MCCC1: variants seen among roughly 807,000 people sequenced by gnomAD.
The protein encoded by MCCC1 is methylcrotonyl-CoA carboxylase subunit 1.
A neutral mutation model predicts 83.8 loss-of-function variants in MCCC1; 64 were observed. That is an observed-to-expected ratio of 0.76 (90% CI 0.62 to 0.94). The LOEUF (loss-of-function observed/expected upper bound fraction) is 0.94, where lower values mean the gene tolerates loss of function less well. MCCC1 is among the 40% of genes least tolerant of loss of function. The pLI is 0.00. For synonymous variants in MCCC1, 322 were observed against 315.4 expected, an observed-to-expected ratio of 1.02 and a Z score of -0.22; for missense variants, 807 against 904.7, an observed-to-expected ratio of 0.89 and a Z score of 1.39.
intron 3 of MCCC1, among the ~76,000 whole-genome samples, chr3:183,089,740 C>T (rs1048913281): frequency 6.6e-6 from 1 of 151,986 alleles, no homozygotes; most frequent in South Asian, 2.1e-4. Context: ...GGGGAAGGAT[C>T]TAGAGTAGGA....
At chr3:183,089,538 T>TG (rs1577357572) in intron 3 of MCCC1, among the ~76,000 whole-genome samples, 1 of 151,952 alleles carries the variant, frequency 6.6e-6, no homozygotes, top group Admixed American at 6.6e-5. Context: ...TGCTTGAGCC[T>TG]GGGGGGTTGA....
chr3:183,015,929 T>TG (rs922577122), intron 18 of MCCC1, among the ~76,000 whole-genome samples: 10 of 151,652 alleles, frequency 6.6e-5, no homozygotes, highest in Admixed American at 3.3e-4. Flanking sequence ...TTTTTTGTTT[T>TG]TTGTTGTTGT....
chr3:183,070,343 C>A (rs1716567766), intron 7 of MCCC1, among the ~76,000 whole-genome samples: 1 of 152,082 alleles, frequency 6.6e-6, no homozygotes. Flanking sequence ...AATGGTATAT[C>A]AAGATCATAG....
chr3:183,034,044 C>T lies in MCCC1; in HGVS notation c.1628G>A (p.Arg543Lys), dbSNP rs765413772. 7 of 1,612,210 alleles carry T rather than the reference C, an allele frequency of 4.3e-6. No homozygotes were observed. The South Asian group carries it at 7.7e-5, about 18-fold the overall frequency. The change falls in exon 14 of 19, where the codon AGA becomes AAA. Residue 543 changes from arginine (R) to lysine (K), a missense_variant. By Grantham distance (26) the Arg-to-Lys change is conservative. Transcript: ENST00000265594. ...QFSPFSSSSG[R>K]RLNISYTRNM... ...TCTGGTATACGAGATATTCAGTCTTCTTCCACTGCTAGACGAAAATGGAGA... is the reference window on the plus strand; with the variant it reads ...TCTGGTATACGAGATATTCAGTCTTTTTCCACTGCTAGACGAAAATGGAGA...
At chr3:183,027,792 T>G (rs1183395628) in intron 14 of MCCC1, among the ~76,000 whole-genome samples, 2 of 152,186 alleles carry the variant, frequency 1.3e-5, no homozygotes, top group Non-Finnish European at 2.9e-5. Flanking sequence ...CTAACTCTCT[T>G]CAATTCAATT....
intron 1 of MCCC1, chr3:183,099,034 G>C (rs940620631): frequency 5.8e-6 from 3 of 519,106 alleles, no homozygotes; most frequent in Non-Finnish European, 1.0e-5. Flanking sequence ...GCGAAAGCCC[G>C]ATGTAAACGG....
intron 1 of MCCC1, among the ~76,000 whole-genome samples, chr3:183,115,011 T>G (rs79284924): frequency 6.6e-6 from 1 of 152,218 alleles, no homozygotes; most frequent in African/African-American, 2.4e-5. Context: ...CGCCTGGCTT[T>G]GTTTCAGGGG....
intron 16 of MCCC1, among the ~76,000 whole-genome samples, chr3:183,021,326 T>A (rs1712146107): frequency 6.6e-6 from 1 of 152,138 alleles, no homozygotes; most frequent in Non-Finnish European, 1.5e-5. Flanking sequence ...CTGAGCCTAT[T>A]AATCCTCCTG....
At chr3:183,100,943 C>T (rs1005113674), upstream of MCCC1, among the ~76,000 whole-genome samples, 1 of 152,272 alleles carries the variant, frequency 6.6e-6, no homozygotes, top group Non-Finnish European at 1.5e-5. Flanking sequence ...ACTTGCGGGC[C>T]AGCTGGAGTT....
At chr3:183,049,161 T>G (rs145322725) in intron 9 of MCCC1, among the ~76,000 whole-genome samples, 211 of 152,238 alleles carry the variant, frequency 1.4e-3, no homozygotes, top group African/African-American at 4.7e-3. Flanking sequence ...ATCAAGAATC[T>G]AAGCTTATAT....
At chr3:183,095,819 A>C (rs559216691) in intron 1 of MCCC1, among the ~76,000 whole-genome samples, 6 of 152,186 alleles carry the variant, frequency 3.9e-5, no homozygotes, top group Non-Finnish European at 7.3e-5. Context: ...GGTACCTCTC[A>C]GATTTAAAAG....
At chr3:183,041,226 T>C (rs1265472770) in intron 11 of MCCC1, among the ~76,000 whole-genome samples, 1 of 152,242 alleles carries the variant, frequency 6.6e-6, no homozygotes, top group Non-Finnish European at 1.5e-5. Context: ...TTATGTCCTT[T>C]GAAGGCAGTC....
chr3:183,074,693 T>C (rs1716936284), intron 4 of MCCC1, among the ~76,000 whole-genome samples: 1 of 151,864 alleles, frequency 6.6e-6, no homozygotes, highest in Non-Finnish European at 1.5e-5. Context: ...CAGTTTAGAG[T>C]TTTATATCTT....
At chr3:183,027,554 G>A (rs966926120) in intron 14 of MCCC1, among the ~76,000 whole-genome samples, 1 of 152,110 alleles carries the variant, frequency 6.6e-6, no homozygotes, top group Non-Finnish European at 1.5e-5. Flanking sequence ...AGTGACTCAC[G>A]CCTGTAATCC....
At chr3:183,056,287 A>G (rs1455540570) in intron 8 of MCCC1, among the ~76,000 whole-genome samples, 1 of 152,198 alleles carries the variant, frequency 6.6e-6, no homozygotes, top group Non-Finnish European at 1.5e-5. Flanking sequence ...TGAATATGGT[A>G]TAAGAAAAAT....
chr3:183,113,007 C>T (rs892183782), intron 1 of MCCC1, among the ~76,000 whole-genome samples: 35 of 151,972 alleles, frequency 2.3e-4, no homozygotes, highest in Non-Finnish European at 2.5e-4. Context: ...CGGCGGATCA[C>T]GAAGTCAAGA....
chr3:183,067,010 T>C (rs979858182), intron 7 of MCCC1, among the ~76,000 whole-genome samples: 1 of 152,254 alleles, frequency 6.6e-6, no homozygotes, highest in Non-Finnish European at 1.5e-5. Flanking sequence ...ATATAGTTAT[T>C]TGCATAAATG....
Position 183,071,304 on chromosome 3 carries a change from T to C in MCCC1, c.545A>G (p.His182Arg), listed in dbSNP as rs781167517. Residue 182 changes from histidine to arginine, a missense_variant, in exon 6 of 19, where the codon CAT (histidine) becomes CGT (arginine). Transcript: ENST00000265594. ...AAGVPVVEGY[H>R]GEDQSDQCLK... is the part of the protein sequence containing the mutation. ...GCACTGGTCTGATTGGTCCTCACCATGATAACCCTCCACAACAGGTACTCC... is the reference window on the plus strand; with the variant it reads ...GCACTGGTCTGATTGGTCCTCACCACGATAACCCTCCACAACAGGTACTCC... 23 of 1,614,092 alleles carry C rather than the reference T, an allele frequency of 1.4e-5. No individual in the cohort carries two copies. Among genetic ancestry groups the C allele is most frequent in the Non-Finnish European group, 3.4e-6 (4 of 1,180,036 alleles).
At chr3:183,113,825 C>A (rs1376815775) in intron 1 of MCCC1, among the ~76,000 whole-genome samples, 1 of 152,062 alleles carries the variant, frequency 6.6e-6, no homozygotes, top group Non-Finnish European at 1.5e-5. Context: ...TTGTGGAAAT[C>A]CTGATTTTTA....
Sources: allele counts gnomAD v4.1 joint callset (sites outside exome capture counted in the v4.1 genomes callset), GRCh38; gene constraint gnomAD v4.1.1; transcripts MANE v1.5; gene names NCBI Gene and HGNC (gene_info 2026-07-23, HGNC 2026-07-21).